NOS1: variants seen among roughly 807,000 people sequenced by gnomAD.
NOS1 encodes the protein nitric oxide synthase 1, also known as NOS type I.
A neutral mutation model predicts 164.5 loss-of-function variants in NOS1; 51 were observed. The observed-to-expected ratio is 0.31, with a 90% CI of 0.25 to 0.39. The LOEUF is 0.39. NOS1 is among the 10% of genes least tolerant of loss of function. The pLI is 1.00. For synonymous variants in NOS1, 719 were observed against 745.8 expected (o/e 0.96, Z 0.59); for missense variants, 1,362 against 1,885.6 (o/e 0.72, Z 5.14).
intron 3 of NOS1, among the ~76,000 whole-genome samples, chr12:117,299,261 T>C (rs1383380870): frequency 6.6e-6 from 1 of 152,262 alleles, no homozygotes; most frequent in Non-Finnish European, 1.5e-5. Flanking sequence ...CAAGTGTATT[T>C]AGTACTTTGG....
intron 3 of NOS1, among the ~76,000 whole-genome samples, chr12:117,301,488 C>A (rs1873811716): frequency 6.6e-6 from 1 of 152,194 alleles, no homozygotes; most frequent in Non-Finnish European, 1.5e-5. Flanking sequence ...GGCTAGGCCA[C>A]TGCACATCCA....
chr12:117,330,299 T>TACACAC lies in NOS1; in HGVS notation c.725+45_725+46insGTGTGT. 1 of 634,022 alleles carries TACACAC rather than the reference T, an allele frequency of 1.6e-6. No homozygotes were observed. 39.3% of individuals were successfully genotyped at this position (634,022 alleles called of 1,614,324 possible). A position where few individuals can be genotyped will look rare whatever the true frequency, so the allele number is the denominator to read the frequency against. On this transcript the variant is annotated intron_variant, in intron 2 of 28. Transcript: ENST00000317775. This position sits in a 1 kb window ranked among gnomAD's most constrained non-coding sequence, Gnocchi z 4.6. ...AGACGCACATGCACACACACAAGCATGCACACACACACACACACACACACA... is the reference window on the plus strand; with the variant it reads ...AGACGCACATGCACACACACAAGCATACACACGCACACACACACACACACACACACA...
At chr12:117,294,519 GC>G (rs1873289496) in intron 3 of NOS1, among the ~76,000 whole-genome samples, 1 of 152,178 alleles carries the variant, frequency 6.6e-6, no homozygotes. Context: ...TTCTGGCAGG[GC>G]TGTTGTACTT....
Position 117,209,776 on chromosome 12 carries a change from G to C in NOS1, c.*5533C>G. 2.0e-6 allele frequency: 2 copies of C among 985,466 alleles called. No homozygotes were observed. Among genetic ancestry groups the C allele is most frequent in the Non-Finnish European group, 2.4e-6 (2 of 829,958 alleles). The allele number at this position is 985,466 out of a possible 1,614,324, so 61.0% of individuals were successfully genotyped here. Reference sequence around the variant, plus strand: ...TTGGGGAAGGGCAGCTTTTCTTTTGGGGCCCCTTTGCCACAAGGCAGGGAC... The same window carrying C: ...TTGGGGAAGGGCAGCTTTTCTTTTGCGGCCCCTTTGCCACAAGGCAGGGAC... On this transcript the variant is annotated 3_prime_UTR_variant, in exon 29 of 29. Coordinates refer to ENST00000317775, the MANE Select transcript of NOS1 (RefSeq NM_000620.5).
intron 3 of NOS1, among the ~76,000 whole-genome samples, chr12:117,295,294 T>C (rs1030802400): frequency 3.9e-5 from 6 of 152,230 alleles, no homozygotes; most frequent in Non-Finnish European, 5.9e-5. Context: ...TTTTGGGTTA[T>C]TGAATGCAAA....
At chr12:117,261,044 C>T (rs1428773401) in intron 13 of NOS1, among the ~76,000 whole-genome samples, 2 of 151,874 alleles carry the variant, frequency 1.3e-5, no homozygotes, top group Non-Finnish European at 2.9e-5. Context: ...CAGCGTGCGC[C>T]TGTAGTCCCA....
intron 3 of NOS1, chr12:117,309,208 C>T (rs945393328): frequency 3.2e-6 from 1 of 310,964 alleles, no homozygotes; most frequent in Non-Finnish European, 4.7e-6. Context: ...GTGGTCTTGA[C>T]TTTTGAGGAC....
Position 117,272,904 on chromosome 12 carries a change from G to T in NOS1, c.1665-345C>A, listed in dbSNP as rs758788403. On this transcript the variant is annotated intron_variant, in intron 9 of 28. Coordinates refer to ENST00000317775, the MANE Select transcript of NOS1 (RefSeq NM_000620.5). This position sits in a 1 kb window ranked among gnomAD's most constrained non-coding sequence, Gnocchi z 4.3. ...GACTGAGCACCCTCCTACCCTCAGG[G>T]CCTTTGCACAGGCAGCCAAACTTCA... 1.3e-5 allele frequency among the ~76,000 whole-genome samples: 2 copies of T among 152,132 alleles called. No homozygotes were observed. The highest frequency in any genetic ancestry group is 4.8e-5 in the African/African-American group (2 of 41,444).
chr12:117,346,818 T>G (rs755695918), intron 1 of NOS1, among the ~76,000 whole-genome samples: 1 of 152,206 alleles, frequency 6.6e-6, no homozygotes, highest in Non-Finnish European at 1.5e-5. Context: ...AATTTCAACT[T>G]CAACTCAAAC....
intron 3 of NOS1, among the ~76,000 whole-genome samples, chr12:117,294,854 G>A (rs898843332): frequency 2.0e-5 from 3 of 152,182 alleles, no homozygotes; most frequent in Non-Finnish European, 4.4e-5. Flanking sequence ...GCCCCTAAGT[G>A]TGCAAAGGAG....
At position 117,263,970 on chromosome 12, in the gene NOS1, T is replaced by C; in HGVS notation, c.2141A>G (p.Asp714Gly). 2 of 1,613,220 alleles carry C rather than the reference T, an allele frequency of 1.2e-6. No individual in the cohort carries two copies. The highest frequency in any genetic ancestry group is 1.7e-6 in the Non-Finnish European group (2 of 1,179,510). The change falls in exon 13 of 29, where the codon GAT (aspartate) becomes GGT (glycine). Residue 714 changes from aspartate (D) to glycine (G), a missense_variant. By Grantham distance (94) the Asp-to-Gly change is moderately conservative. Around this residue, in one of 4 missense-constraint regions of NOS1, gnomAD observed 737 missense variants for 1,030.3 expected, o/e 0.72. Transcript: ENST00000317775. ...RLTPSFEYQP[D>G]PWNTHVWKGT... Reference sequence around the variant, plus strand: ...TTTCCAGACATGCGTGTTCCAGGGATCAGGCTGGGAAGAGAAGGAGAGGGC... The same window carrying C: ...TTTCCAGACATGCGTGTTCCAGGGACCAGGCTGGGAAGAGAAGGAGAGGGC...
intron 8 of NOS1, among the ~76,000 whole-genome samples, chr12:117,279,261 C>G (rs1349795927): frequency 6.6e-6 from 1 of 151,974 alleles, no homozygotes; most frequent in Non-Finnish European, 1.5e-5. Flanking sequence ...TCTGTAGTCC[C>G]AGCTACTCAG....
chr12:117,318,571 C>A (rs1236600920), intron 2 of NOS1, among the ~76,000 whole-genome samples: 1 of 152,186 alleles, frequency 6.6e-6, no homozygotes, highest in African/African-American at 2.4e-5. Flanking sequence ...CAGATCCTTC[C>A]AACTGAGGCT....
At position 117,211,613 on chromosome 12, in the gene NOS1, C is replaced by T; in HGVS notation, c.*3696G>A. The T allele has an allele frequency of 1.0e-6, 1 of 985,648 alleles. No homozygotes were observed. The highest frequency in any genetic ancestry group is 1.2e-6 in the Non-Finnish European group (1 of 830,046). The allele number at this position is 985,648 out of a possible 1,614,324, so 61.1% of individuals were successfully genotyped here. A position where few individuals can be genotyped will look rare whatever the true frequency, so the allele number is the denominator to read the frequency against. On this transcript the variant is annotated 3_prime_UTR_variant, in exon 29 of 29. Transcript: ENST00000317775. Reference sequence around the variant, plus strand: ...ACCCTCCTCAGCCTTCCAAAGCCAGCCTCAATTTATCTTACATGCTCCCTG... The same window carrying T: ...ACCCTCCTCAGCCTTCCAAAGCCAGTCTCAATTTATCTTACATGCTCCCTG...
intron 1 of NOS1, among the ~76,000 whole-genome samples, chr12:117,338,736 G>A (rs1875956856): frequency 6.6e-6 from 1 of 152,174 alleles, no homozygotes; most frequent in Non-Finnish European, 1.5e-5. Flanking sequence ...GTGCAAGCAA[G>A]TCAGTTCTGT....
chr12:117,358,420 G>C (rs974798345), intron 1 of NOS1, among the ~76,000 whole-genome samples: 3 of 152,196 alleles, frequency 2.0e-5, no homozygotes, highest in African/African-American at 7.2e-5. Flanking sequence ...ATATAAAGAG[G>C]AGACAGAAAG....
chr12:117,276,964 T>C (rs1873236130), intron 9 of NOS1, among the ~76,000 whole-genome samples: 1 of 152,184 alleles, frequency 6.6e-6, no homozygotes, highest in South Asian at 2.1e-4. Flanking sequence ...CAGATATCTC[T>C]TCGATATACT....
In NOS1 at chr12:117,234,876, C is replaced by G; in HGVS notation, c.3042-118G>C. 1 of 726,830 alleles carries G rather than the reference C, an allele frequency of 1.4e-6. No homozygotes were observed. The highest frequency in any genetic ancestry group is 2.1e-5 in the South Asian group (1 of 48,606). The allele number at this position is 726,830 out of a possible 1,614,324, so 45.0% of individuals were successfully genotyped here. A position where few individuals can be genotyped will look rare whatever the true frequency, so the allele number is the denominator to read the frequency against. On this transcript the variant is annotated intron_variant, in intron 20 of 28. Transcript: ENST00000317775. This position sits in a 1 kb window ranked among gnomAD's most constrained non-coding sequence, Gnocchi z 4.3. Reference sequence around the variant, plus strand: ...TCCTCCTTCCATTCTTGTTGGGGCCCGTGCTAACCAAGCCTATGCCCCCAT... The same window carrying G: ...TCCTCCTTCCATTCTTGTTGGGGCCGGTGCTAACCAAGCCTATGCCCCCAT...
chr12:117,238,506 T>A (rs1391211112), intron 20 of NOS1, among the ~76,000 whole-genome samples: 2 of 109,786 alleles, frequency 1.8e-5, no homozygotes, highest in Non-Finnish European at 3.6e-5. Flanking sequence ...AGCTATTGTT[T>A]CTTTTCTTTT....
Sources: allele counts gnomAD v4.1 joint callset (sites outside exome capture counted in the v4.1 genomes callset), GRCh38; gene constraint gnomAD v4.1.1; regional missense constraint gnomAD v4.1.1; non-coding constraint Gnocchi (gnomAD v3.1); transcripts MANE v1.5; gene names NCBI Gene and HGNC (gene_info 2026-07-23, HGNC 2026-07-21).